The following TRIM54 variants were observed in gnomAD, a reference collection of about 807,000 sequenced individuals.
TRIM54 encodes the protein tripartite motif-containing protein 54.
Under a neutral mutation model 42.0 loss-of-function variants are expected in TRIM54, and 40 were observed. That is an observed-to-expected ratio of 0.95 (90% CI 0.74 to 1.24). TRIM54 has a LOEUF of 1.24. TRIM54 is among the 50% of genes most tolerant of loss of function. The pLI, the probability that TRIM54 is intolerant of heterozygous loss-of-function variation, is 0.00. For synonymous variants in TRIM54, 199 were observed against 194.9 expected, an observed-to-expected ratio of 1.02 and a Z score of -0.17; for missense variants, 485 against 480.3, an observed-to-expected ratio of 1.01 and a Z score of -0.09.
At chr2:27,297,034 C>G (rs1382503897) in intron 1 of TRIM54, among the ~76,000 whole-genome samples, 1 of 152,212 alleles carries the variant, frequency 6.6e-6, no homozygotes, top group South Asian at 2.1e-4. Context: ...GCTGGGATTA[C>G]AGGCATGAGC....
intron 5 of TRIM54, 95 bp downstream of exon 5, chr2:27,305,912 G>C: frequency 7.3e-7 from 1 of 1,368,704 alleles, no homozygotes; most frequent in Non-Finnish European, 1.0e-6. Context: ...TCTTGCACCT[G>C]CTTGCCCCTA....
chr2:27,301,042 G>C (rs1679021274), intron 3 of TRIM54, among the ~76,000 whole-genome samples: 1 of 151,644 alleles, frequency 6.6e-6, no homozygotes. Flanking sequence ...CTAGTCCATA[G>C]AGTAAAGTGA....
intron 3 of TRIM54, among the ~76,000 whole-genome samples, chr2:27,300,859 T>C (rs1679017707): frequency 6.6e-6 from 1 of 152,052 alleles, no homozygotes. Flanking sequence ...GAGTGAGACC[T>C]TGTCTCAAAA....
In TRIM54 at chr2:27,304,944, C is replaced by T. The variant is rs1679146388; in HGVS notation, c.514-15C>T. On this transcript the variant is annotated splice_polypyrimidine_tract_variant and intron_variant, in intron 3 of 8. Coordinates refer to ENST00000380075, the MANE Select transcript of TRIM54 (RefSeq NM_187841.3). Reference sequence around the variant, plus strand: ...CCAGGTCCCAGCTCTGAGTGCTGACCTGTGTGTGTATCAGAGTGAGCTCAG... The same window carrying T: ...CCAGGTCCCAGCTCTGAGTGCTGACTTGTGTGTGTATCAGAGTGAGCTCAG... The T allele has an allele frequency of 6.2e-7, 1 of 1,612,494 alleles. No individual in the cohort carries two copies. Among genetic ancestry groups the T allele is most frequent in the African/African-American group, 1.3e-5 (1 of 74,916 alleles).
intron 1 of TRIM54, among the ~76,000 whole-genome samples, chr2:27,294,197 C>T (rs1005291086): frequency 2.0e-5 from 3 of 152,026 alleles, no homozygotes; most frequent in Admixed American, 6.5e-5. Context: ...GGCATGATCA[C>T]AGCTCACTGC....
chr2:27,283,691 T>C (rs1455861307), intron 1 of TRIM54, among the ~76,000 whole-genome samples: 1 of 151,856 alleles, frequency 6.6e-6, no homozygotes, highest in African/African-American at 2.4e-5. Context: ...CTTTTTTTTT[T>C]TTTCCTGTGC....
chr2:27,305,725 C>G lies in TRIM54; in HGVS notation c.751C>G (p.Arg251Gly), dbSNP rs200868576. ...GCTGCAGCGCGTCCGCGGCCTCATCCGTCAGTATGGCGACCACCTGGAGGC... is the reference window on the plus strand; with the variant it reads ...GCTGCAGCGCGTCCGCGGCCTCATCGGTCAGTATGGCGACCACCTGGAGGC... ...EKLQRVRGLI[R>G]QYGDHLEASS... is the part of the protein sequence containing the mutation. Residue 251 changes from arginine to glycine, a missense_variant, in exon 5 of 9, where the codon CGT (arginine) becomes GGT (glycine). Arg to Gly is a moderately radical substitution (Grantham distance 125). Coordinates refer to ENST00000380075, the MANE Select transcript of TRIM54 (RefSeq NM_187841.3). 2.5e-6 allele frequency: 4 copies of G among 1,611,180 alleles called. No individual in the cohort carries two copies. Among genetic ancestry groups the G allele is most frequent in the Non-Finnish European group, 3.4e-6 (4 of 1,178,950 alleles).
chr2:27,289,098 G>A (rs1678650922), intron 1 of TRIM54, among the ~76,000 whole-genome samples: 1 of 152,196 alleles, frequency 6.6e-6, no homozygotes, highest in Non-Finnish European at 1.5e-5. Context: ...ATCCCTTAGA[G>A]TATAAAATCG....
rs759901805 is a variant in TRIM54 at position 27,298,584 on chromosome 2, G to T, written c.186G>T (p.Trp62Cys). The T allele has an allele frequency of 1.2e-6, 2 of 1,613,888 alleles. No homozygotes were observed. The highest frequency in any genetic ancestry group is 1.7e-6 in the Non-Finnish European group (2 of 1,179,924). ...CCCTGCAGGCCTCGAATCCTCTATGGCAGTCCCGGGGCTCCACCACTGTGT... is the reference window on the plus strand; with the variant it reads ...CCCTGCAGGCCTCGAATCCTCTATGTCAGTCCCGGGGCTCCACCACTGTGT... Reference protein sequence around the residue: ...NDVFQASNPLWQSRGSTTVSS... With the variant: ...NDVFQASNPLCQSRGSTTVSS... Residue 62 changes from tryptophan (W) to cysteine (C), a missense_variant, in exon 2 of 9, where the codon TGG becomes TGT. Transcript: ENST00000380075.
At chr2:27,302,660 A>AT (rs1679068035) in intron 3 of TRIM54, among the ~76,000 whole-genome samples, 2 of 151,854 alleles carry the variant, frequency 1.3e-5, no homozygotes, top group Non-Finnish European at 2.9e-5. Flanking sequence ...GCATGGTGGC[A>AT]GTCGCCTGTA....
intron 1 of TRIM54, among the ~76,000 whole-genome samples, chr2:27,286,719 C>T (rs1347876412): frequency 6.6e-6 from 1 of 152,198 alleles, no homozygotes; most frequent in African/African-American, 2.4e-5. Context: ...GGAGGTCTGT[C>T]TACAGAGGGA....
chr2:27,303,182 C>T (rs1679081257), intron 3 of TRIM54, among the ~76,000 whole-genome samples: 1 of 152,126 alleles, frequency 6.6e-6, no homozygotes. Flanking sequence ...CGCAGAGGAC[C>T]AGTGCTGGCA....
Position 27,299,247 on chromosome 2 carries a change from C to T in TRIM54, c.344C>T (p.Pro115Leu), listed in dbSNP as rs779037754. The T allele has an allele frequency of 3.2e-5, 51 of 1,613,646 alleles. No homozygotes were observed. Among genetic ancestry groups the T allele is most frequent in the Non-Finnish European group, 4.0e-5 (47 of 1,180,040 alleles). ...TCCCCCTGCCCACTCCTCTCTAGGC[C>T]GCTGCACTCCAAGGCTGAGCAGCAC... ...IDIYKQESSR[P>L]LHSKAEQHLM... Residue 115 changes from proline to leucine, a missense_variant and splice_region_variant, in exon 3 of 9, where the codon CCG (proline) becomes CTG (leucine). Transcript: ENST00000380075.
Position 27,305,703 on chromosome 2 carries a change from G to A in TRIM54, c.729G>A (p.Leu243=), listed in dbSNP as rs770270834. 1 of 1,612,730 alleles carries A rather than the reference G, an allele frequency of 6.2e-7. No homozygotes were observed. Among genetic ancestry groups the A allele is most frequent in the Admixed American group, 1.7e-5 (1 of 59,916 alleles). ...TGGCCCGGGAGCAAGAGGAGAAGCT[G>A]CAGCGCGTCCGCGGCCTCATCCGTC... ...QALAREQEEK[L]QRVRGLIRQY... is the part of the protein sequence containing the mutation. Residue 243 remains leucine (L), a synonymous_variant, in exon 5 of 9, where the codon CTG becomes CTA. Transcript: ENST00000380075.
chr2:27,298,540 G>A, intron 1 of TRIM54, 27 bp from the exon 2 acceptor site: 2 of 1,599,330 alleles, frequency 1.3e-6, no homozygotes, highest in Non-Finnish European at 8.6e-7. Context: ...CCCCGTGCCT[G>A]TTCTCTCAAG....
chr2:27,286,713 G>T (rs900644417), intron 1 of TRIM54, among the ~76,000 whole-genome samples: 3 of 152,228 alleles, frequency 2.0e-5, no homozygotes, highest in Admixed American at 6.5e-5. Context: ...TCTGGAGGAG[G>T]TCTGTCTACA....
At position 27,306,090 on chromosome 2, in the gene TRIM54, A is replaced by T. The variant is rs2148206755; in HGVS notation, c.854A>T (p.Glu285Val). ...QMALYLQQAK[E>V]LINKVGAMSK... ...TTTTCTTCCCTGCAGCAGGCCAAGG[A>T]GCTGATCAATAAGTGAGTAGGCATA... Residue 285 changes from glutamate (E) to valine (V), a missense_variant, in exon 6 of 9, where the codon GAG (glutamate) becomes GTG (valine). By Grantham distance (121) the Glu-to-Val change is moderately radical (BLOSUM62 -2). Transcript: ENST00000380075. This position sits in a 1 kb window ranked among gnomAD's most constrained non-coding sequence, Gnocchi z 6.1. 4 of 1,613,784 alleles carry T rather than the reference A, an allele frequency of 2.5e-6. No individual in the cohort carries two copies. In the East Asian group the frequency reaches 8.9e-5, roughly 36 times the overall value.
chr2:27,298,514 G>T, intron 1 of TRIM54, 53 bp from the exon 2 acceptor site: 2 of 1,496,468 alleles, frequency 1.3e-6, no homozygotes, highest in Non-Finnish European at 1.8e-6. Flanking sequence ...TGCCTCCTCC[G>T]AGTCCCTTCA....
chr2:27,287,048 G>C (rs1678586472), intron 1 of TRIM54, among the ~76,000 whole-genome samples: 2 of 152,168 alleles, frequency 1.3e-5, no homozygotes, highest in Non-Finnish European at 2.9e-5. Context: ...CTGTAGGGAA[G>C]ATCTTGATTT....
Sources: allele counts gnomAD v4.1 joint callset (sites outside exome capture counted in the v4.1 genomes callset), GRCh38; gene constraint gnomAD v4.1.1; non-coding constraint Gnocchi (gnomAD v3.1); transcripts MANE v1.5; gene names NCBI Gene and HGNC (gene_info 2026-07-23, HGNC 2026-07-21).